EPHA4: variants seen among roughly 807,000 people sequenced by gnomAD.
EPHA4 encodes the protein EPH receptor A4.
Under a neutral mutation model 108.3 loss-of-function variants are expected in EPHA4, and 19 were observed. The ratio of observed to expected loss-of-function variants is 0.18; its 90% confidence interval spans 0.12 to 0.26. EPHA4 has a LOEUF of 0.26. EPHA4 is among the 10% of genes least tolerant of loss of function. The probability of loss-of-function intolerance (pLI) is 1.00; values close to 1 mark genes in which losing one functional copy is unlikely to be tolerated. For synonymous variants in EPHA4, 449 were observed against 455.5 expected, an observed-to-expected ratio of 0.99 and a Z score of 0.18; for missense variants, 917 against 1,254.0, an observed-to-expected ratio of 0.73 and a Z score of 4.06.
intron 3 of EPHA4, among the ~76,000 whole-genome samples, chr2:221,550,831 T>C (rs928083073): frequency 6.6e-6 from 1 of 152,012 alleles, no homozygotes; most frequent in Non-Finnish European, 1.5e-5. Flanking sequence ...AGAGAGTTTA[T>C]GGTTTATCAC....
intron 3 of EPHA4, among the ~76,000 whole-genome samples, chr2:221,557,099 G>C (rs552568178): frequency 6.6e-6 from 1 of 152,278 alleles, no homozygotes; most frequent in African/African-American, 2.4e-5. Flanking sequence ...TAACATCTTA[G>C]TGTTATTAAG....
intron 6 of EPHA4, among the ~76,000 whole-genome samples, chr2:221,457,053 G>A (rs1345528306): frequency 6.6e-6 from 1 of 152,050 alleles, no homozygotes; most frequent in Non-Finnish European, 1.5e-5. Context: ...TTAAATGATG[G>A]TTGGTGGCTT....
chr2:221,464,743 C>T (rs1691255511), intron 5 of EPHA4, among the ~76,000 whole-genome samples: 1 of 152,168 alleles, frequency 6.6e-6, no homozygotes, highest in Non-Finnish European at 1.5e-5. Flanking sequence ...CTGGACTCAT[C>T]ATCAAAGTAA....
chr2:221,514,095 AG>A (rs1491317879), intron 3 of EPHA4, among the ~76,000 whole-genome samples: 5 of 103,482 alleles, frequency 4.8e-5, no homozygotes, highest in South Asian at 3.1e-4. Context: ...AGCCGGGGGG[AG>A]GGGGTTTGAA....
At chr2:221,490,406 T>G (rs1692106326) in intron 4 of EPHA4, among the ~76,000 whole-genome samples, 1 of 152,160 alleles carries the variant, frequency 6.6e-6, no homozygotes, top group African/African-American at 2.4e-5. Context: ...TGATTTTTAA[T>G]CGCCATTTTA....
intron 3 of EPHA4, among the ~76,000 whole-genome samples, chr2:221,522,368 G>C (rs922604331): frequency 1.3e-5 from 2 of 152,210 alleles, no homozygotes; most frequent in African/African-American, 2.4e-5. Flanking sequence ...ACTGCACAGG[G>C]AAGTGACAAA....
chr2:221,531,211 G>C (rs545981461), intron 3 of EPHA4, among the ~76,000 whole-genome samples: 2 of 152,246 alleles, frequency 1.3e-5, no homozygotes, highest in East Asian at 3.9e-4. Context: ...TAAGGTGAGA[G>C]CTCCAAATTC....
chr2:221,486,357 G>A (rs1392412500), intron 4 of EPHA4, among the ~76,000 whole-genome samples: 1 of 152,056 alleles, frequency 6.6e-6, no homozygotes, highest in Non-Finnish European at 1.5e-5. Context: ...TTCCTGCTTT[G>A]TTTGTAACAT....
At chr2:221,478,052 G>T (rs964589045) in intron 5 of EPHA4, among the ~76,000 whole-genome samples, 1 of 151,900 alleles carries the variant, frequency 6.6e-6, no homozygotes, top group African/African-American at 2.4e-5. Flanking sequence ...TGCAATTTGG[G>T]GTGAGGAGGG....
At chr2:221,554,067 A>G (rs1243537110) in intron 3 of EPHA4, among the ~76,000 whole-genome samples, 1 of 152,222 alleles carries the variant, frequency 6.6e-6, no homozygotes, top group Admixed American at 6.5e-5. Context: ...ATCACCTTTG[A>G]GAAGTGTGGG....
At chr2:221,484,995 A>G (rs1691938224) in intron 4 of EPHA4, among the ~76,000 whole-genome samples, 1 of 152,210 alleles carries the variant, frequency 6.6e-6, no homozygotes, top group East Asian at 1.9e-4. Context: ...ACTAGTCTGC[A>G]GCTGAAGCTG....
chr2:221,462,715 T>C (rs144684996), intron 5 of EPHA4, among the ~76,000 whole-genome samples: 4 of 152,314 alleles, frequency 2.6e-5, no homozygotes, highest in African/African-American at 9.6e-5. Flanking sequence ...ACTCTAATTA[T>C]AAATGGAGTC....
chr2:221,425,976 G>T lies in EPHA4; in HGVS notation c.*52C>A, dbSNP rs1689889301. 2.1e-6 allele frequency: 3 copies of T among 1,446,082 alleles called. No homozygotes were observed. The African/African-American group carries it at 4.2e-5, about 20-fold the overall frequency. The allele number at this position is 1,446,082 out of a possible 1,614,324, so 89.6% of individuals were successfully genotyped here. A position where few individuals can be genotyped will look rare whatever the true frequency, so the allele number is the denominator to read the frequency against. On this transcript the variant is annotated 3_prime_UTR_variant, in exon 17 of 18. Transcript: ENST00000281821. ...AAAAGTGCAGTTCTTCAATTAAAGT[G>T]CATGGATGAGGTAAACTAATTTCAA...
chr2:221,531,854 T>C (rs2680849), intron 3 of EPHA4, among the ~76,000 whole-genome samples: 89,030 of 152,076 alleles, frequency 0.59, 27,266 homozygotes, highest in African/African-American at 0.77. Flanking sequence ...CCATGATTTT[T>C]TTCTCAGAGA....
chr2:221,434,351 T>C (rs751395566), intron 13 of EPHA4, 60 bp from the exon 14 acceptor site: 65 of 1,568,642 alleles, frequency 4.1e-5, no homozygotes, highest in Non-Finnish European at 5.6e-5. Flanking sequence ...CCATTTTAGA[T>C]TCTGAATGTA....
intron 6 of EPHA4, 46 bp downstream of exon 6, chr2:221,457,820 G>A: frequency 6.3e-7 from 1 of 1,593,070 alleles, no homozygotes. Flanking sequence ...AAAGAAGGAA[G>A]GAAGGAAGGA....
intron 15 of EPHA4, among the ~76,000 whole-genome samples, chr2:221,428,760 A>T (rs1480099444): frequency 6.6e-6 from 1 of 152,200 alleles, no homozygotes; most frequent in Non-Finnish European, 1.5e-5. Flanking sequence ...GGCAGAGGTG[A>T]AATGTTAATT....
intron 5 of EPHA4, among the ~76,000 whole-genome samples, chr2:221,462,939 C>T (rs187968242): frequency 6.6e-6 from 1 of 152,334 alleles, no homozygotes; most frequent in East Asian, 1.9e-4. Context: ...GTTCTCCTGA[C>T]TTCTTAACTG....
intron 4 of EPHA4, among the ~76,000 whole-genome samples, chr2:221,486,348 T>A (rs1029718148): frequency 3.3e-5 from 5 of 152,172 alleles, no homozygotes; most frequent in Admixed American, 3.3e-4. Context: ...TTATTTCCTT[T>A]CCTGCTTTGT....
Sources: allele counts gnomAD v4.1 joint callset (sites outside exome capture counted in the v4.1 genomes callset), GRCh38; gene constraint gnomAD v4.1.1; transcripts MANE v1.5; gene names NCBI Gene and HGNC (gene_info 2026-07-23, HGNC 2026-07-21).